The following CHD9 variants were observed in gnomAD, a reference collection of about 807,000 sequenced individuals.
The protein encoded by CHD9 is ATP-dependent chromatin remodeler CHD9.
A neutral mutation model predicts 316.1 loss-of-function variants in CHD9; 77 were observed. That is an observed-to-expected ratio of 0.24 (90% CI 0.20 to 0.29). CHD9 has a LOEUF of 0.29. Ranked by LOEUF, CHD9 falls within the 10% of genes least tolerant of loss-of-function variation. The pLI is 1.00. For missense variants in CHD9, 2,763 were observed against 3,438.1 expected, an observed-to-expected ratio of 0.80 and a Z score of 4.91; for synonymous variants, 1,129 against 1,158.3, an observed-to-expected ratio of 0.97 and a Z score of 0.51.
chr16:53,289,581 T>G (rs754672021), intron 27 of CHD9, among the ~76,000 whole-genome samples: 9 of 152,130 alleles, frequency 5.9e-5, no homozygotes, highest in Non-Finnish European at 1.2e-4. Flanking sequence ...TCAGGAGAGA[T>G]AACCCAAATA....
At chr16:53,078,092 A>G (rs1053561491) in intron 1 of CHD9, among the ~76,000 whole-genome samples, 11 of 152,190 alleles carry the variant, frequency 7.2e-5, no homozygotes, top group African/African-American at 2.7e-4. Flanking sequence ...AAAAAGAGAA[A>G]AAAATATATA....
chr16:53,131,768 GC>G (rs2039337419), intron 1 of CHD9, among the ~76,000 whole-genome samples: 1 of 152,140 alleles, frequency 6.6e-6, no homozygotes, highest in Non-Finnish European at 1.5e-5. Context: ...TCCCGCGCGG[GC>G]ACCCGACGTC....
intron 17 of CHD9, chr16:53,250,272 T>A (rs1039401908): frequency 3.8e-6 from 2 of 530,178 alleles, no homozygotes; most frequent in Admixed American, 7.3e-5. Flanking sequence ...TTTTTATATG[T>A]CTCACTAACT....
chr16:53,071,489 G>A (rs1268197079), intron 1 of CHD9, among the ~76,000 whole-genome samples: 1 of 152,138 alleles, frequency 6.6e-6, no homozygotes, highest in Non-Finnish European at 1.5e-5. Context: ...CTCTTCCTGG[G>A]GTAGGAATGG....
At chr16:53,195,141 C>A (rs2044790834) in intron 2 of CHD9, among the ~76,000 whole-genome samples, 1 of 152,138 alleles carries the variant, frequency 6.6e-6, no homozygotes, top group Admixed American at 6.5e-5. Flanking sequence ...CATTAAACAT[C>A]ATCCATTTAA....
chr16:53,076,339 C>A (rs987943867), intron 1 of CHD9, among the ~76,000 whole-genome samples: 1 of 152,116 alleles, frequency 6.6e-6, no homozygotes, highest in Non-Finnish European at 1.5e-5. Flanking sequence ...CTTTGGGAGG[C>A]CAAGACAGGC....
chr16:53,157,676 T>C lies in CHD9; in HGVS notation c.1452+135T>C, dbSNP rs988207151. 2.0e-5 allele frequency: 16 copies of C among 800,872 alleles called. No individual in the cohort carries two copies. The African/African-American group carries it at 2.3e-4, about 11-fold the overall frequency. 49.6% of individuals were successfully genotyped at this position (800,872 alleles called of 1,614,324 possible). A position where few individuals can be genotyped will look rare whatever the true frequency, so the allele number is the denominator to read the frequency against. On this transcript the variant is annotated intron_variant, in intron 2 of 38. Coordinates refer to ENST00000447540, the MANE Select transcript of CHD9 (RefSeq NM_001308319.2). ...CATTAAGTGAACATACATATTTTGA[T>C]ATAGGTTTATATTGTTTTACAAGTC...
intron 2 of CHD9, among the ~76,000 whole-genome samples, chr16:53,190,370 C>T (rs2044383251): frequency 6.6e-6 from 1 of 151,982 alleles, no homozygotes; most frequent in African/African-American, 2.4e-5. Flanking sequence ...ATTTTCTGCT[C>T]GTTCTCTGTG....
intron 2 of CHD9, among the ~76,000 whole-genome samples, chr16:53,199,098 T>G (rs1310559874): frequency 6.6e-6 from 1 of 152,116 alleles, no homozygotes; most frequent in Non-Finnish European, 1.5e-5. Context: ...TGTCCTCACT[T>G]CTGACACCAG....
chr16:53,131,604 G>A (rs1329842172), intron 1 of CHD9, among the ~76,000 whole-genome samples: 4 of 151,566 alleles, frequency 2.6e-5, no homozygotes, highest in African/African-American at 9.7e-5. Context: ...AGGGCCGGGC[G>A]GCCAGGGCGT....
intron 31 of CHD9, 60 bp downstream of exon 31, chr16:53,304,685 TTTCTTTTC>T: frequency 4.9e-6 from 5 of 1,022,932 alleles, no homozygotes; most frequent in Non-Finnish European, 6.4e-6. Context: ...TTTCTTTTCT[TTTCTTTTC>T]TTTTTTTTTT....
At chr16:53,306,182 T>C (rs2153085219) in intron 31 of CHD9, 55 bp from the exon 32 acceptor site, 1 of 1,057,544 alleles carries the variant, frequency 9.5e-7, no homozygotes, top group Non-Finnish European at 1.3e-6. Context: ...AATCCTTATA[T>C]ATAAAACTAT....
chr16:53,281,700 C>T (rs140106164), intron 24 of CHD9, among the ~76,000 whole-genome samples: 104 of 152,266 alleles, frequency 6.8e-4, no homozygotes, highest in African/African-American at 2.4e-3. Context: ...CATGCTCCAG[C>T]CACAGTGGTG....
chr16:53,117,405 G>A (rs915891336), intron 1 of CHD9, among the ~76,000 whole-genome samples: 132 of 105,518 alleles, frequency 1.3e-3, no homozygotes, highest in African/African-American at 3.4e-3. Context: ...GTTCTCTGAC[G>A]TAATATATAT....
intron 1 of CHD9, among the ~76,000 whole-genome samples, chr16:53,068,395 T>C (rs1249404835): frequency 6.6e-6 from 1 of 152,160 alleles, no homozygotes; most frequent in Non-Finnish European, 1.5e-5. Flanking sequence ...ACTGGTCACA[T>C]TCTCTTCCCC....
chr16:53,141,742 G>T (rs532441084), intron 1 of CHD9, among the ~76,000 whole-genome samples: 1 of 152,190 alleles, frequency 6.6e-6, no homozygotes, highest in Non-Finnish European at 1.5e-5. Context: ...ATAAAGTAGT[G>T]TGTAAAATAT....
intron 29 of CHD9, among the ~76,000 whole-genome samples, chr16:53,295,911 C>G (rs2054741903): frequency 6.6e-6 from 1 of 152,182 alleles, no homozygotes. Context: ...CAGGAGCTTT[C>G]AAGTGAAAGA....
chr16:53,062,022 C>A (rs900479627), intron 1 of CHD9, among the ~76,000 whole-genome samples: 3 of 152,176 alleles, frequency 2.0e-5, no homozygotes, highest in African/African-American at 7.2e-5. Flanking sequence ...TCCTGCTCTG[C>A]CCGCCTCTCA....
chr16:53,159,705 G>A lies in CHD9; in HGVS notation c.1452+2164G>A, dbSNP rs146700022. Among the ~76,000 whole-genome samples, 280 of 152,252 alleles carry A rather than the reference G, an allele frequency of 1.8e-3. 1 individual carries two copies. The highest frequency in any genetic ancestry group is 6.8e-3 in the Middle Eastern group (2 of 294). ...ACTCACTGCAACCTCTGCCTCCCAG[G>A]TTCAAGTGATTCTCCTCCCTCAGCC... On this transcript the variant is annotated intron_variant, in intron 2 of 38. Coordinates refer to ENST00000447540, the MANE Select transcript of CHD9 (RefSeq NM_001308319.2).
Sources: gnomAD v4.1 joint callset for allele counts (sites outside exome capture counted in the v4.1 genomes callset) on GRCh38, gnomAD v4.1.1 for gene constraint, MANE v1.5 for transcripts, NCBI Gene and HGNC (gene_info 2026-07-23, HGNC 2026-07-21) for gene names.